Variants in ARFGEF2 observed in about 807,000 individuals in gnomAD.
The protein encoded by ARFGEF2 is brefeldin A-inhibited guanine nucleotide-exchange protein 2.
ARFGEF2 carries 74 observed loss-of-function variants against 219.9 expected under a neutral mutation model. The ratio of observed to expected loss-of-function variants is 0.34; its 90% confidence interval spans 0.28 to 0.41. The LOEUF (loss-of-function observed/expected upper bound fraction) is 0.41. Among genes scored for constraint, ARFGEF2 ranks in the 10% least tolerant of loss-of-function variants. The pLI is 1.00. For missense variants in ARFGEF2, 1,743 were observed against 2,218.3 expected, an observed-to-expected ratio of 0.79 and a Z score of 4.30; for synonymous variants, 733 against 799.2, an observed-to-expected ratio of 0.92 and a Z score of 1.40.
intron 31 of ARFGEF2, among the ~76,000 whole-genome samples, chr20:49,016,706 T>G (rs1209368650): frequency 6.6e-6 from 1 of 152,218 alleles, no homozygotes; most frequent in Non-Finnish European, 1.5e-5. Context: ...TCTAGTAAAA[T>G]GTTTTTAAAA....
rs770577893 is a variant in ARFGEF2, at chr20:49,036,442, C to A, written c.*3243C>A. 33 of 389,348 alleles carry A rather than the reference C, an allele frequency of 8.5e-5. No individual in the cohort carries two copies. The highest frequency in any genetic ancestry group is 1.4e-4 in the Non-Finnish European group (30 of 221,076). 24.1% of individuals were successfully genotyped at this position (389,348 alleles called of 1,614,324 possible). On this transcript the variant is annotated 3_prime_UTR_variant, in exon 39 of 39. Transcript: ENST00000371917. ...TATGTGTAAAATGTATGTTTTACCT[C>A]CTTAAAATGCCTAAAAGTTAGTTAA... is the stretch of plus-strand genomic sequence containing the variant.
At chr20:49,023,279 C>T in intron 35 of ARFGEF2, 98 bp downstream of exon 35, 1 of 1,496,792 alleles carries the variant, frequency 6.7e-7, no homozygotes, top group Non-Finnish European at 9.1e-7. Flanking sequence ...CTTTCCAGAG[C>T]CTGTCATGCT....
At chr20:49,005,737 C>CAAAAAA (rs56730863) in intron 26 of ARFGEF2, among the ~76,000 whole-genome samples, 100 of 61,678 alleles carry the variant, frequency 1.6e-3, no homozygotes, top group South Asian at 3.9e-3. Context: ...GACTCCGTCT[C>CAAAAAA]AAAAAAAAAA....
rs1037547760 is a variant in ARFGEF2 at position 49,034,449 on chromosome 20, T to C, written c.*1250T>C. 1 of 152,218 alleles carries C rather than the reference T, an allele frequency of 6.6e-6. No individual in the cohort carries two copies. The highest frequency in any genetic ancestry group is 1.5e-5 in the Non-Finnish European group (1 of 68,052). 9.4% of individuals were successfully genotyped at this position (152,218 alleles called of 1,614,324 possible). A position where few individuals can be genotyped will look rare whatever the true frequency, so the allele number is the denominator to read the frequency against. On this transcript the variant is annotated 3_prime_UTR_variant, in exon 39 of 39. Coordinates refer to ENST00000371917, the MANE Select transcript of ARFGEF2 (RefSeq NM_006420.3). Reference sequence around the variant, plus strand: ...AGTTCTGCTGCAGCTTGTGTAAAAGTGGGCAGTACACAAGTACGTCCCAAA... The same window carrying C: ...AGTTCTGCTGCAGCTTGTGTAAAAGCGGGCAGTACACAAGTACGTCCCAAA...
In ARFGEF2 at chr20:48,962,112, G is replaced by A. The variant is rs763085024; in HGVS notation, c.839-1718G>A. ...GGAGAATTGCTTGAACCTGGGAGGCGGAGGCTGTAGTGAGCTGGGATTGCT... is the reference window on the plus strand; with the variant it reads ...GGAGAATTGCTTGAACCTGGGAGGCAGAGGCTGTAGTGAGCTGGGATTGCT... On this transcript the variant is annotated intron_variant, in intron 6 of 38. Coordinates refer to ENST00000371917, the MANE Select transcript of ARFGEF2 (RefSeq NM_006420.3). Among the ~76,000 whole-genome samples, 22 of 152,260 alleles carry A rather than the reference G, an allele frequency of 1.4e-4. No homozygotes were observed. In the East Asian group the frequency reaches 2.7e-3, roughly 19 times the overall value.
chr20:48,971,366 A>C lies in ARFGEF2; in HGVS notation c.1425+12A>C. The C allele has an allele frequency of 6.3e-7, 1 of 1,597,040 alleles. No individual in the cohort carries two copies. The highest frequency in any genetic ancestry group is 8.6e-7 in the Non-Finnish European group (1 of 1,164,918). On this transcript the variant is annotated intron_variant, in intron 10 of 38. Transcript: ENST00000371917. ...AAATGCAGATAGAGGTACGGATTCC[A>C]AAGTTTTTTCATTTCATTATTTACT... is the stretch of plus-strand genomic sequence containing the variant.
intron 14 of ARFGEF2, among the ~76,000 whole-genome samples, chr20:48,976,585 G>A (rs1269741955): frequency 6.6e-6 from 1 of 152,146 alleles, no homozygotes; most frequent in Non-Finnish European, 1.5e-5. Flanking sequence ...GAGGCAGGTG[G>A]ATCATGAGGT....
At position 49,006,626 on chromosome 20, in the gene ARFGEF2, A is replaced by T. The variant is rs556452023; in HGVS notation, c.3584+1405A>T. On this transcript the variant is annotated intron_variant, in intron 26 of 38. Transcript: ENST00000371917. Reference sequence around the variant, plus strand: ...AGGAAAAGGCCTGAAGGAAGTCAGGAATAATCTGAGAGTGGCCATATGCTG... The same window carrying T: ...AGGAAAAGGCCTGAAGGAAGTCAGGTATAATCTGAGAGTGGCCATATGCTG... 2.6e-5 allele frequency among the ~76,000 whole-genome samples: 4 copies of T among 152,334 alleles called. No individual in the cohort carries two copies. The East Asian group carries it at 7.7e-4, about 29-fold the overall frequency.
rs763866717 is a variant in ARFGEF2, at chr20:48,994,564, A to G, written c.3087A>G (p.Thr1029=). The part of the protein sequence containing the change: ...REREGSLKGH[T]LAGEEFMGLG... ...GAGAAGGGAGCCTGAAGGGCCACAC[A>G]TTGGCAGGAGAAGAGTTCATGGGCC... Residue 1029 remains threonine (T), a synonymous_variant, in exon 22 of 39, where the codon ACA becomes ACG. Coordinates refer to ENST00000371917, the MANE Select transcript of ARFGEF2 (RefSeq NM_006420.3). 9.9e-6 allele frequency: 16 copies of G among 1,614,124 alleles called. No individual in the cohort carries two copies. The highest frequency in any genetic ancestry group is 1.6e-4 in the Middle Eastern group (1 of 6,062).
intron 1 of ARFGEF2, among the ~76,000 whole-genome samples, chr20:48,927,510 G>A (rs1057484194): frequency 1.3e-5 from 2 of 152,040 alleles, no homozygotes; most frequent in Non-Finnish European, 2.9e-5. Flanking sequence ...CCAAAATGGC[G>A]AAACCCCATC....
At position 48,988,287 on chromosome 20, in the gene ARFGEF2, C is replaced by A; in HGVS notation, c.2277-17C>A. On this transcript the variant is annotated splice_polypyrimidine_tract_variant and intron_variant, in intron 16 of 38. Transcript: ENST00000371917. ...CGCATCACCATGAATATTGATGTCT[C>A]GAATTTTTTTCTCCAGGCAAACTCT... 6.2e-7 allele frequency: 1 copy of A among 1,605,262 alleles called. No homozygotes were observed. Among genetic ancestry groups the A allele is most frequent in the South Asian group, 1.1e-5 (1 of 90,808 alleles).
intron 3 of ARFGEF2, among the ~76,000 whole-genome samples, chr20:48,949,734 A>C (rs1230392599): frequency 6.6e-6 from 1 of 152,108 alleles, no homozygotes; most frequent in Non-Finnish European, 1.5e-5. Context: ...TTCCTCCCAC[A>C]GTGGTGGCTG....
Position 48,953,751 on chromosome 20 carries a change from A to T in ARFGEF2, c.799A>T (p.Asn267Tyr). The T allele has an allele frequency of 6.2e-7, 1 of 1,614,166 alleles. No homozygotes were observed. Among genetic ancestry groups the T allele is most frequent in the Non-Finnish European group, 8.5e-7 (1 of 1,180,032 alleles). ...RSDSGKVSTE[N>Y]GDAPRERGSS... ...TGATTCTGGAAAAGTAAGCACAGAAAATGGAGACGCACCCAGAGAAAGAGG... is the reference window on the plus strand; with the variant it reads ...TGATTCTGGAAAAGTAAGCACAGAATATGGAGACGCACCCAGAGAAAGAGG... The change falls in exon 6 of 39, where the codon AAT becomes TAT. Residue 267 changes from asparagine (N) to tyrosine (Y), a missense_variant. Physicochemically the swap from Asn to Tyr is moderately radical, Grantham distance 143. Around this residue, in one of 5 missense-constraint regions of ARFGEF2, gnomAD observed 394 missense variants for 426.6 expected, o/e 0.92. Transcript: ENST00000371917.
intron 14 of ARFGEF2, among the ~76,000 whole-genome samples, chr20:48,983,573 C>A (rs796821555): frequency 6.6e-6 from 1 of 152,170 alleles, no homozygotes; most frequent in African/African-American, 2.4e-5. Context: ...CTGACCCAGC[C>A]CCTGGCCTCC....
At chr20:48,935,462 G>T (rs1366983554) in intron 1 of ARFGEF2, among the ~76,000 whole-genome samples, 1 of 151,980 alleles carries the variant, frequency 6.6e-6, no homozygotes, top group Non-Finnish European at 1.5e-5. Context: ...TCTTAGTACA[G>T]AACAAAATGA....
At chr20:48,975,674 G>A (rs775514062) in intron 13 of ARFGEF2, among the ~76,000 whole-genome samples, 7 of 151,818 alleles carry the variant, frequency 4.6e-5, no homozygotes, top group Admixed American at 1.3e-4. Flanking sequence ...GGTGGCAGGC[G>A]CCTGTAATCC....
At chr20:48,981,690 T>C (rs2091296893) in intron 14 of ARFGEF2, among the ~76,000 whole-genome samples, 1 of 152,232 alleles carries the variant, frequency 6.6e-6, no homozygotes, top group African/African-American at 2.4e-5. Flanking sequence ...CTTTTTATTC[T>C]TTTTTCTGTA....
At chr20:48,930,470 A>C (rs2090906357) in intron 1 of ARFGEF2, among the ~76,000 whole-genome samples, 1 of 152,236 alleles carries the variant, frequency 6.6e-6, no homozygotes, top group Non-Finnish European at 1.5e-5. Flanking sequence ...ACCTGGTTAG[A>C]AGATGAAGCC....
At chr20:48,941,376 A>T in intron 2 of ARFGEF2, 147 bp downstream of exon 2, 1 of 827,272 alleles carries the variant, frequency 1.2e-6, no homozygotes, top group Non-Finnish European at 2.0e-6. Context: ...GGCACACGGC[A>T]CAACTCTGTG....
Sources: allele counts gnomAD v4.1 joint callset (sites outside exome capture counted in the v4.1 genomes callset), GRCh38; gene constraint gnomAD v4.1.1; regional missense constraint gnomAD v4.1.1; transcripts MANE v1.5; gene names NCBI Gene and HGNC (gene_info 2026-07-23, HGNC 2026-07-21).